Variants in SFMBT1 observed in about 807,000 individuals in gnomAD.
The protein encoded by SFMBT1 is Scm like with four mbt domains 1.
Under a neutral mutation model 108.7 loss-of-function variants are expected in SFMBT1, and 32 were observed. That is an observed-to-expected ratio of 0.29 (90% confidence interval 0.22 to 0.40). The LOEUF is 0.40. Among genes scored for constraint, SFMBT1 ranks in the 10% least tolerant of loss-of-function variants. The pLI is 1.00. For synonymous variants in SFMBT1, 348 were observed against 369.5 expected (o/e 0.94, Z 0.67); for missense variants, 816 against 1,059.6 (o/e 0.77, Z 3.19).
rs763625164 is a variant in SFMBT1, at chr3:52,930,386, T to C, written c.840A>G (p.Lys280=). 4 of 1,613,790 alleles carry C rather than the reference T, an allele frequency of 2.5e-6. No homozygotes were observed. In the South Asian group the frequency reaches 4.4e-5, roughly 18 times the overall value. The change falls in exon 8 of 21, where the codon AAA becomes AAG. Residue 280 remains lysine (K), a synonymous_variant. Coordinates refer to ENST00000394752, the MANE Select transcript of SFMBT1 (RefSeq NM_016329.4). ...IGIHTFSVNM[K]LEAVDPWSPF... ...GAGACCAGGGGTCTACAGCTTCCAATTTCATGTTTACAGAGAATGTATGAA... is the reference window on the plus strand; with the variant it reads ...GAGACCAGGGGTCTACAGCTTCCAACTTCATGTTTACAGAGAATGTATGAA...
chr3:53,015,048 G>A (rs557598079), intron 1 of SFMBT1, among the ~76,000 whole-genome samples: 19 of 152,026 alleles, frequency 1.2e-4, no homozygotes, highest in South Asian at 4.2e-4. Flanking sequence ...GTGAAACCTC[G>A]TCTCTACAAA....
intron 3 of SFMBT1, among the ~76,000 whole-genome samples, chr3:52,944,680 C>A (rs983675748): frequency 2.6e-5 from 4 of 152,032 alleles, no homozygotes; most frequent in African/African-American, 9.7e-5. Context: ...CCACAACATC[C>A]AGCTAATTTT....
At chr3:53,005,858 G>A (rs1221087386) in intron 1 of SFMBT1, among the ~76,000 whole-genome samples, 1 of 152,170 alleles carries the variant, frequency 6.6e-6, no homozygotes, top group Non-Finnish European at 1.5e-5. Context: ...GAGAGAGGGT[G>A]GACATGCATG....
chr3:53,020,415 A>G (rs1699267895), intron 1 of SFMBT1, among the ~76,000 whole-genome samples: 1 of 150,238 alleles, frequency 6.7e-6, no homozygotes, highest in African/African-American at 2.5e-5. Flanking sequence ...AGAAAAAACA[A>G]AAATAAAGAA....
chr3:53,036,797 T>G (rs994115292), intron 1 of SFMBT1, among the ~76,000 whole-genome samples: 1 of 152,144 alleles, frequency 6.6e-6, no homozygotes, highest in Non-Finnish European at 1.5e-5. Flanking sequence ...TGAATTCTCC[T>G]CCAAGGTAGT....
chr3:53,024,384 C>T (rs1699415099), intron 1 of SFMBT1, among the ~76,000 whole-genome samples: 1 of 152,150 alleles, frequency 6.6e-6, no homozygotes, highest in Non-Finnish European at 1.5e-5. Context: ...GTCCAAGAGT[C>T]CTAAGGAGGA....
rs575401055 is a variant in SFMBT1, at chr3:52,965,146, C to T, written c.28+3955G>A. 2.6e-5 allele frequency among the ~76,000 whole-genome samples: 4 copies of T among 152,056 alleles called. No homozygotes were observed. In the East Asian group the frequency reaches 5.8e-4, roughly 22 times the overall value. ...CGACATTTTAGGTTGAGACTATTCC[C>T]TTCCCTCTTCCTTCTCCAGCTCAAA... On this transcript the variant is annotated intron_variant, in intron 2 of 20. Transcript: ENST00000394752.
At chr3:52,933,921 C>G (rs1344011133) in intron 5 of SFMBT1, among the ~76,000 whole-genome samples, 2 of 151,856 alleles carry the variant, frequency 1.3e-5, no homozygotes. Flanking sequence ...ACGCTGCAAA[C>G]AATAAAAAGA....
intron 6 of SFMBT1, 70 bp from the exon 7 acceptor site, chr3:52,931,105 T>A: frequency 7.1e-7 from 1 of 1,400,514 alleles, no homozygotes; most frequent in Non-Finnish European, 1.0e-6. Context: ...CTGAAAGCAT[T>A]CACATAAACA....
intron 12 of SFMBT1, among the ~76,000 whole-genome samples, chr3:52,920,103 C>T (rs764023869): frequency 1.3e-5 from 2 of 152,238 alleles, no homozygotes; most frequent in Non-Finnish European, 2.9e-5. Context: ...AATCTGCCAA[C>T]GCCTGGATCT....
chr3:52,945,334 AAAAT>A (rs1703331079), intron 3 of SFMBT1, among the ~76,000 whole-genome samples: 2 of 151,970 alleles, frequency 1.3e-5, no homozygotes, highest in East Asian at 1.9e-4. Context: ...TTTGAGCAAT[AAAAT>A]AAATAGTGAG....
At chr3:52,907,810 G>T in intron 17 of SFMBT1, 77 bp from the exon 18 acceptor site, 1 of 1,347,986 alleles carries the variant, frequency 7.4e-7, no homozygotes, top group Non-Finnish European at 1.0e-6. Context: ...GATTTTATTA[G>T]CATAGCAAAA....
At position 52,993,605 on chromosome 3, in the gene SFMBT1, T is replaced by C. The variant is rs145273650; in HGVS notation, c.-130-24347A>G. On this transcript the variant is annotated intron_variant, in intron 1 of 20. Transcript: ENST00000394752. ...AGCATCTGCTACATATAACTCCTAG[T>C]AGGAGGTACAACTATGTAGAAACAC... Among the ~76,000 whole-genome samples the C allele has an allele frequency of 2.7e-5, 4 of 149,662 alleles. No homozygotes were observed. The East Asian group carries it at 7.8e-4, about 29-fold the overall frequency.
At chr3:53,033,873 C>G (rs575733557) in intron 1 of SFMBT1, among the ~76,000 whole-genome samples, 1 of 151,528 alleles carries the variant, frequency 6.6e-6, no homozygotes, top group South Asian at 2.1e-4. Flanking sequence ...AGCTCGAGAC[C>G]AGCCTGATCA....
intron 1 of SFMBT1, among the ~76,000 whole-genome samples, chr3:52,972,744 AACAC>A (rs55859723): frequency 0.092 from 8,707 of 94,982 alleles, 499 homozygotes; most frequent in African/African-American, 0.19. Flanking sequence ...ATCTCTACTA[AACAC>A]ACACACACAC....
chr3:52,906,036 A>T (rs946202399), intron 20 of SFMBT1, 77 bp downstream of exon 20: 103 of 1,498,896 alleles, frequency 6.9e-5, no homozygotes, highest in Non-Finnish European at 9.1e-5. Flanking sequence ...TAAAACTTGT[A>T]AATAAATTGT....
intron 1 of SFMBT1, among the ~76,000 whole-genome samples, chr3:53,011,796 A>G (rs1475610833): frequency 2.6e-5 from 4 of 152,224 alleles, no homozygotes; most frequent in Non-Finnish European, 4.4e-5. Flanking sequence ...CACCATGACT[A>G]GTGAACTCTG....
At chr3:52,927,024 T>C (rs1356847442) in intron 9 of SFMBT1, among the ~76,000 whole-genome samples, 1 of 152,184 alleles carries the variant, frequency 6.6e-6, no homozygotes, top group Non-Finnish European at 1.5e-5. Flanking sequence ...AGTTGATTTG[T>C]CTATAACAAC....
intron 1 of SFMBT1, among the ~76,000 whole-genome samples, chr3:52,980,114 CTAT>C (rs1007487674): frequency 1.3e-5 from 2 of 151,986 alleles, no homozygotes; most frequent in African/African-American, 4.8e-5. Context: ...ATATACAAAT[CTAT>C]TATTAAAAGT....
Sources: gnomAD v4.1 joint callset for allele counts (sites outside exome capture counted in the v4.1 genomes callset) on GRCh38, gnomAD v4.1.1 for gene constraint, MANE v1.5 for transcripts, NCBI Gene and HGNC (gene_info 2026-07-23, HGNC 2026-07-21) for gene names.